HTR1E: variants seen among roughly 807,000 people sequenced by gnomAD.
HTR1E encodes 5-HT-1E.
In HTR1E, 3 loss-of-function variants were observed where a neutral mutation model predicts 3.4. That is an observed-to-expected ratio of 0.89 (90% confidence interval 0.41 to 2.31). The LOEUF (loss-of-function observed/expected upper bound fraction) is 2.31, where lower values mean the gene tolerates loss of function less well. HTR1E is among the 30% of genes most tolerant of loss of function. The pLI is 0.05. For synonymous variants in HTR1E, 170 were observed against 182.8 expected (o/e 0.93, Z 0.56); for missense variants, 392 against 467.0 (o/e 0.84, Z 1.48).
chr6:86,949,103 A>AT (rs1328718543), intron 1 of HTR1E, among the ~76,000 whole-genome samples: 5 of 152,164 alleles, frequency 3.3e-5, no homozygotes, highest in African/African-American at 7.2e-5. Context: ...TAATCCAGAG[A>AT]TTTTTACCCT....
At chr6:87,008,638 T>C (rs1768154434) in intron 1 of HTR1E, among the ~76,000 whole-genome samples, 1 of 152,208 alleles carries the variant, frequency 6.6e-6, no homozygotes, top group Non-Finnish European at 1.5e-5. Flanking sequence ...TGGCTCTTCC[T>C]AGAGACAAGA....
chr6:86,961,434 C>T (rs139975540), intron 1 of HTR1E, among the ~76,000 whole-genome samples: 1 of 152,302 alleles, frequency 6.6e-6, no homozygotes, highest in African/African-American at 2.4e-5. Flanking sequence ...TTGAATGACA[C>T]TAAAATGTAT....
intron 1 of HTR1E, among the ~76,000 whole-genome samples, chr6:86,974,189 G>A (rs894200548): frequency 6.6e-6 from 1 of 152,124 alleles, no homozygotes. Context: ...TAAACCACTT[G>A]AGAGTAAATT....
chr6:87,001,676 G>C (rs1768026018), intron 1 of HTR1E, among the ~76,000 whole-genome samples: 1 of 152,184 alleles, frequency 6.6e-6, no homozygotes, highest in Admixed American at 6.5e-5. Context: ...GACAAATGAA[G>C]CATCTGGCAT....
At chr6:86,953,072 C>G (rs965134508) in intron 1 of HTR1E, among the ~76,000 whole-genome samples, 1 of 152,134 alleles carries the variant, frequency 6.6e-6, no homozygotes, top group Admixed American at 6.5e-5. Flanking sequence ...CTCAGCCAAC[C>G]AGTTTCATAT....
intron 1 of HTR1E, among the ~76,000 whole-genome samples, chr6:87,013,499 T>C (rs1447988121): frequency 6.6e-6 from 1 of 152,202 alleles, no homozygotes; most frequent in South Asian, 2.1e-4. Context: ...ATTATTGCAG[T>C]TAACTTTCCA....
chr6:86,997,143 C>G (rs2127829231), intron 1 of HTR1E, among the ~76,000 whole-genome samples: 1 of 151,954 alleles, frequency 6.6e-6, no homozygotes, highest in South Asian at 2.1e-4. Flanking sequence ...TTTTAACATT[C>G]ATTCATTATA....
chr6:87,004,996 CAAATA>C (rs576083949), intron 1 of HTR1E, among the ~76,000 whole-genome samples: 65 of 151,820 alleles, frequency 4.3e-4, no homozygotes, highest in Non-Finnish European at 8.8e-4. Flanking sequence ...ACAATTGCTA[CAAATA>C]AAATAAAATA....
rs1467398876 is a variant in HTR1E, at chr6:87,016,669, A to G, written c.*237A>G. On this transcript the variant is annotated 3_prime_UTR_variant, in exon 2 of 2. Coordinates refer to ENST00000305344, the MANE Select transcript of HTR1E (RefSeq NM_000865.3). ...TACATAATTTCAAATAAACATTATC[A>G]TACAAAAACAGAAATTTTGTAGAAG... 1 of 364,572 alleles carries G rather than the reference A, an allele frequency of 2.7e-6. No individual in the cohort carries two copies. Among genetic ancestry groups the G allele is most frequent in the African/African-American group, 2.1e-5 (1 of 47,580 alleles). The allele number at this position is 364,572 out of a possible 1,614,324, so 22.6% of individuals were successfully genotyped here.
chr6:86,958,554 A>G (rs1368485382), intron 1 of HTR1E, among the ~76,000 whole-genome samples: 1 of 152,174 alleles, frequency 6.6e-6, no homozygotes, highest in Non-Finnish European at 1.5e-5. Flanking sequence ...AGTCTCATCA[A>G]TCTTGTTCAG....
chr6:86,951,075 G>T (rs1272493536), intron 1 of HTR1E, among the ~76,000 whole-genome samples: 1 of 152,148 alleles, frequency 6.6e-6, no homozygotes, highest in African/African-American at 2.4e-5. Flanking sequence ...TGATGATTTT[G>T]ATAATATTAT....
At chr6:86,982,755 T>C (rs151273899) in intron 1 of HTR1E, among the ~76,000 whole-genome samples, 1 of 152,344 alleles carries the variant, frequency 6.6e-6, no homozygotes, top group East Asian at 1.9e-4. Context: ...GTTCTAAAAA[T>C]AGTAAGATGA....
intron 1 of HTR1E, among the ~76,000 whole-genome samples, chr6:86,963,779 T>C (rs1485313661): frequency 6.6e-6 from 1 of 152,346 alleles, no homozygotes; most frequent in East Asian, 1.9e-4. Context: ...TCTAGGTATG[T>C]AGTAGGCTAT....
intron 1 of HTR1E, among the ~76,000 whole-genome samples, chr6:86,939,110 C>T (rs368121578): frequency 6.6e-6 from 1 of 152,242 alleles, no homozygotes; most frequent in South Asian, 2.1e-4. Context: ...TGCTTTCCTG[C>T]TGAATTAAAT....
chr6:86,948,942 A>G (rs1767172872), intron 1 of HTR1E, among the ~76,000 whole-genome samples: 1 of 152,166 alleles, frequency 6.6e-6, no homozygotes, highest in African/African-American at 2.4e-5. Context: ...CCAGAGATGG[A>G]GAAAGATTCT....
chr6:86,958,937 C>CGT (rs55871033), intron 1 of HTR1E, among the ~76,000 whole-genome samples: 20,238 of 139,798 alleles, frequency 0.14, 1,384 homozygotes, highest in Non-Finnish European at 0.15. Context: ...ACCAATTGCA[C>CGT]GTGTGTGTGT....
chr6:86,951,149 CACAA>C (rs1210464081), intron 1 of HTR1E, among the ~76,000 whole-genome samples: 1 of 152,142 alleles, frequency 6.6e-6, no homozygotes, highest in Non-Finnish European at 1.5e-5. Flanking sequence ...ATGCTGATAA[CACAA>C]ACAAGAGTAA....
At chr6:86,971,371 ATTAT>A (rs1767553587) in intron 1 of HTR1E, among the ~76,000 whole-genome samples, 2 of 152,140 alleles carry the variant, frequency 1.3e-5, no homozygotes, top group South Asian at 2.1e-4. Context: ...AACTTTATGG[ATTAT>A]AAAAACCATG....
intron 1 of HTR1E, among the ~76,000 whole-genome samples, chr6:86,954,860 C>T (rs951103552): frequency 6.6e-6 from 1 of 152,182 alleles, no homozygotes; most frequent in Non-Finnish European, 1.5e-5. Flanking sequence ...ATTTGGTCTG[C>T]AGCAGATTTC....
Sources: gnomAD v4.1 joint callset for allele counts (sites outside exome capture counted in the v4.1 genomes callset) on GRCh38, gnomAD v4.1.1 for gene constraint, MANE v1.5 for transcripts, NCBI Gene and HGNC (gene_info 2026-07-23, HGNC 2026-07-21) for gene names.